Variants in TCERG1 observed in about 807,000 individuals in gnomAD.
TCERG1 encodes the protein TATA box binding protein (TBP)-associated factor, RNA polymerase II, S, 150kD.
Under a neutral mutation model 144.7 loss-of-function variants are expected in TCERG1, and 37 were observed. The observed-to-expected ratio is 0.26, with a 90% CI of 0.20 to 0.34. The LOEUF is 0.34. Ranked by LOEUF, TCERG1 falls within the 10% of genes least tolerant of loss-of-function variation. The pLI is 1.00. For synonymous variants in TCERG1, 492 were observed against 458.2 expected, an observed-to-expected ratio of 1.07 and a Z score of -0.94; for missense variants, 1,027 against 1,380.7, an observed-to-expected ratio of 0.74 and a Z score of 4.06.
rs1768469924 is a variant in TCERG1, at chr5:146,511,778, T to A, written c.*1136T>A. ...GGGTTTTTTTTGTTTTTGTCCTTTG[T>A]ATTAATGTATGATGGTTTGCGCCTT... is the stretch of plus-strand genomic sequence containing the variant. On this transcript the variant is annotated 3_prime_UTR_variant, in exon 23 of 23. Transcript: ENST00000679501. The A allele has an allele frequency of 6.6e-6, 1 of 152,208 alleles. No homozygotes were observed. Among genetic ancestry groups the A allele is most frequent in the Admixed American group, 6.5e-5 (1 of 15,278 alleles). 9.4% of individuals were successfully genotyped at this position (152,208 alleles called of 1,614,324 possible). A position where few individuals can be genotyped will look rare whatever the true frequency, so the allele number is the denominator to read the frequency against.
chr5:146,507,985 G>A lies in TCERG1; in HGVS notation c.3045+29G>A. The A allele has an allele frequency of 6.5e-7, 1 of 1,543,486 alleles. No homozygotes were observed. The highest frequency in any genetic ancestry group is 8.9e-7 in the Non-Finnish European group (1 of 1,125,156). On this transcript the variant is annotated intron_variant, in intron 21 of 22. Coordinates refer to ENST00000679501, the MANE Select transcript of TCERG1 (RefSeq NM_001382548.1). This position sits in a 1 kb window ranked among gnomAD's most constrained non-coding sequence, Gnocchi z 4.6. ...AGAGGATTTTGTGTCGAGATTTACT[G>A]TCAGTCTATAAATACTTAAATCGGG...
At chr5:146,475,123 T>C (rs1764711848) in intron 9 of TCERG1, among the ~76,000 whole-genome samples, 1 of 152,208 alleles carries the variant, frequency 6.6e-6, no homozygotes, top group South Asian at 2.1e-4. Context: ...AGTCTTGTAA[T>C]CTATAGGTTC....
Position 146,483,663 on chromosome 5 carries a change from A to T in TCERG1, c.2163+34A>T, listed in dbSNP as rs762228391. 4 of 1,502,288 alleles carry T rather than the reference A, an allele frequency of 2.7e-6. No individual in the cohort carries two copies. In the East Asian group the frequency reaches 9.1e-5, roughly 34 times the overall value. 93.1% of individuals were successfully genotyped at this position (1,502,288 alleles called of 1,614,324 possible). ...AAAATGGCATTAACTAAGAATGTAT[A>T]TCTCTTGCCAACATAGTTTTTAAAT... On this transcript the variant is annotated intron_variant, in intron 15 of 22. Transcript: ENST00000679501.
rs750834437 is a variant in TCERG1 at position 146,503,410 on chromosome 5, T to A, written c.2469T>A (p.His823Gln). Residue 823 changes from histidine to glutamine, a missense_variant, in exon 18 of 23, where the codon CAT (histidine) becomes CAA (glutamine). By Grantham distance (24) the His-to-Gln change is conservative. This residue lies in a region of TCERG1 where 482 missense variants were observed against 632.6 expected (regional missense o/e 0.76). Transcript: ENST00000679501. The part of the protein sequence containing the change: ...KSDFFELLSN[H>Q]HLDSQSRWSK... ...ATTTCTTTGAACTATTATCTAATCA[T>A]CACTTGGACAGTCAGTCTCGATGGA... 6.2e-7 allele frequency: 1 copy of A among 1,613,638 alleles called. No individual in the cohort carries two copies. Among genetic ancestry groups the A allele is most frequent in the Non-Finnish European group, 8.5e-7 (1 of 1,179,762 alleles).
At position 146,510,728 on chromosome 5, in the gene TCERG1, A is replaced by G. The variant is rs1768395267; in HGVS notation, c.*86A>G. 7.0e-6 allele frequency: 9 copies of G among 1,292,232 alleles called. No homozygotes were observed. The highest frequency in any genetic ancestry group is 1.5e-5 in the South Asian group (1 of 64,756). 80.0% of individuals were successfully genotyped at this position (1,292,232 alleles called of 1,614,324 possible). A position where few individuals can be genotyped will look rare whatever the true frequency, so the allele number is the denominator to read the frequency against. ...TTTTTACATATATGTGCATTAGTCAACCTATTGCGAAACCATCTGACAAAC... is the reference window on the plus strand; with the variant it reads ...TTTTTACATATATGTGCATTAGTCAGCCTATTGCGAAACCATCTGACAAAC... On this transcript the variant is annotated 3_prime_UTR_variant, in exon 23 of 23. Coordinates refer to ENST00000679501, the MANE Select transcript of TCERG1 (RefSeq NM_001382548.1).
chr5:146,479,927 A>G lies in TCERG1; in HGVS notation c.1819+16A>G. On this transcript the variant is annotated intron_variant, in intron 11 of 22. Transcript: ENST00000679501. ...ATGAGTGCAAGTGAGTGAACTAACC[A>G]TAAATTGCAGCTTCTTTTTAATACT... The G allele has an allele frequency of 1.9e-6, 3 of 1,612,478 alleles. No homozygotes were observed. The highest frequency in any genetic ancestry group is 2.5e-6 in the Non-Finnish European group (3 of 1,179,048).
At chr5:146,503,639 A>G in intron 18 of TCERG1, 100 bp downstream of exon 18, 1 of 1,455,094 alleles carries the variant, frequency 6.9e-7, no homozygotes, top group East Asian at 2.3e-5. Flanking sequence ...GGGGGTTTGG[A>G]TTTTTTCTTG....
rs1037012767 is a variant in TCERG1 at position 146,458,942 on chromosome 5, A to C, written c.497A>C (p.Lys166Thr). Residue 166 changes from lysine to threonine, a missense_variant, in exon 4 of 23, where the codon AAG (lysine) becomes ACG (threonine). Transcript: ENST00000679501. The part of the protein sequence containing the change: ...ESAWTKPDGV[K>T]VIQQSELTPM... ...GCATGGACCAAGCCAGATGGAGTTAAGGTTATTCAGCAATCAGAACTGACA... is the reference window on the plus strand; with the variant it reads ...GCATGGACCAAGCCAGATGGAGTTACGGTTATTCAGCAATCAGAACTGACA... 1 of 1,614,242 alleles carries C rather than the reference A, an allele frequency of 6.2e-7. No homozygotes were observed. Among genetic ancestry groups the C allele is most frequent in the African/African-American group, 1.3e-5 (1 of 75,066 alleles).
At chr5:146,459,414 C>G (rs189951497) in intron 4 of TCERG1, 77 bp downstream of exon 4, 31 of 1,535,086 alleles carry the variant, frequency 2.0e-5, no homozygotes, top group African/African-American at 5.5e-5. Flanking sequence ...TCATATTGAT[C>G]CCAGTGTTTC....
chr5:146,476,717 TA>T (rs1435632632), intron 9 of TCERG1, among the ~76,000 whole-genome samples: 2 of 152,206 alleles, frequency 1.3e-5, no homozygotes, highest in Non-Finnish European at 2.9e-5. Context: ...TGGTCCTCAT[TA>T]ATTTTCGGAC....
intron 10 of TCERG1, among the ~76,000 whole-genome samples, chr5:146,479,505 T>TA (rs1222198114): frequency 5.9e-5 from 9 of 152,176 alleles, no homozygotes; most frequent in Non-Finnish European, 1.3e-4. Context: ...GTTGAAACAA[T>TA]ATGTGATTTT....
At chr5:146,503,326 C>A in intron 17 of TCERG1, 49 bp from the exon 18 acceptor site, 1 of 1,545,056 alleles carries the variant, frequency 6.5e-7, no homozygotes, top group Non-Finnish European at 8.8e-7. Flanking sequence ...ATGAATTTCT[C>A]ATGGTACATT....
chr5:146,490,652 C>G (rs1198764443), intron 15 of TCERG1, among the ~76,000 whole-genome samples: 1 of 152,170 alleles, frequency 6.6e-6, no homozygotes, highest in African/African-American at 2.4e-5. Context: ...CTATTGTGCT[C>G]AGTACTTGGC....
chr5:146,509,323 C>T (rs923486752), intron 22 of TCERG1, 78 bp downstream of exon 22: 1 of 934,232 alleles, frequency 1.1e-6, no homozygotes, highest in Non-Finnish European at 1.7e-6. Flanking sequence ...GCATTCTTTG[C>T]ATTCACACAC....
At chr5:146,497,825 ACT>A (rs1215969174) in intron 16 of TCERG1, among the ~76,000 whole-genome samples, 1 of 151,546 alleles carries the variant, frequency 6.6e-6, no homozygotes, top group East Asian at 1.9e-4. Flanking sequence ...AATACTACTG[ACT>A]CTCTGTTATC....
In TCERG1 at chr5:146,507,795, ATGTACCTATG is replaced by A. The variant is rs1768136712; in HGVS notation, c.2962-75_2962-66del. 1 of 910,744 alleles carries A rather than the reference ATGTACCTATG, an allele frequency of 1.1e-6. No individual in the cohort carries two copies. Among genetic ancestry groups the A allele is most frequent in the Admixed American group, 2.2e-5 (1 of 44,898 alleles). 56.4% of individuals were successfully genotyped at this position (910,744 alleles called of 1,614,324 possible). The stretch of plus-strand genomic sequence containing the variant: ...AGATCGCAGGTCAGTGTGTAATATT[ATGTACCTATG>A]TGCTGCAGTTTGACTCCCTAAGTAA... On this transcript the variant is annotated intron_variant, in intron 20 of 22. Transcript: ENST00000679501. The surrounding 1 kb of genome is among the most constrained non-coding windows in gnomAD (Gnocchi z 4.6).
chr5:146,457,135 G>A, intron 2 of TCERG1, 48 bp from the exon 3 acceptor site: 24 of 1,583,546 alleles, frequency 1.5e-5, no homozygotes, highest in Non-Finnish European at 2.1e-5. Context: ...GTAATAATTT[G>A]GAGGAAAAGT....
chr5:146,506,329 A>G (rs1767988532), intron 19 of TCERG1, among the ~76,000 whole-genome samples: 1 of 152,150 alleles, frequency 6.6e-6, no homozygotes, highest in Non-Finnish European at 1.5e-5. Flanking sequence ...CTGGTTGGTG[A>G]GCCAGCCAGA....
chr5:146,447,487 C>G, intron 1 of TCERG1, 79 bp downstream of exon 1: 1 of 1,529,062 alleles, frequency 6.5e-7, no homozygotes, highest in Non-Finnish European at 8.8e-7. Context: ...ATGTGGAGAT[C>G]CGGGGCGGAC....
Sources: allele counts gnomAD v4.1 joint callset (sites outside exome capture counted in the v4.1 genomes callset), GRCh38; gene constraint gnomAD v4.1.1; regional missense constraint gnomAD v4.1.1; non-coding constraint Gnocchi (gnomAD v3.1); transcripts MANE v1.5; gene names NCBI Gene and HGNC (gene_info 2026-07-23, HGNC 2026-07-21).